Variants in OLA1 observed in about 807,000 individuals in gnomAD.
OLA1 encodes the protein obg-like ATPase 1.
Under a neutral mutation model 48.4 loss-of-function variants are expected in OLA1, and 14 were observed. That is an observed-to-expected ratio of 0.29 (90% confidence interval 0.19 to 0.45). The LOEUF is 0.45. Among genes scored for constraint, OLA1 ranks in the 20% least tolerant of loss-of-function variants. The pLI, the probability that OLA1 is intolerant of heterozygous loss-of-function variation, is 1.00. For synonymous variants in OLA1, 127 were observed against 150.4 expected, an observed-to-expected ratio of 0.84 and a Z score of 1.14; for missense variants, 325 against 467.1, an observed-to-expected ratio of 0.70 and a Z score of 2.80.
At position 174,072,495 on chromosome 2, in the gene OLA1, A is replaced by T. The variant is rs1684620671; in HGVS notation, c.*2931T>A. The T allele has an allele frequency of 6.6e-6, 1 of 152,216 alleles. No individual in the cohort carries two copies. The highest frequency in any genetic ancestry group is 1.5e-5 in the Non-Finnish European group (1 of 68,040). The allele number at this position is 152,216 out of a possible 1,614,324, so 9.4% of individuals were successfully genotyped here. On this transcript the variant is annotated 3_prime_UTR_variant, in exon 11 of 11. Transcript: ENST00000284719. ...TCACCACAGTGTATTTTACAAGCTT[A>T]AAATAAGTTGAAATGAATTTTCCCA...
chr2:174,234,929 C>G (rs991926058), intron 2 of OLA1, among the ~76,000 whole-genome samples: 6 of 152,122 alleles, frequency 3.9e-5, no homozygotes, highest in African/African-American at 1.4e-4. Flanking sequence ...AAGGCAGAGG[C>G]GGGCAGATCA....
intron 8 of OLA1, 27 bp from the exon 9 acceptor site, chr2:174,081,275 C>T: frequency 1.9e-6 from 3 of 1,556,472 alleles, no homozygotes; most frequent in Non-Finnish European, 2.7e-6. Flanking sequence ...CAAATTCACC[C>T]AACACATAAG....
chr2:174,217,561 CA>C (rs1404285318), intron 4 of OLA1, among the ~76,000 whole-genome samples: 1 of 152,038 alleles, frequency 6.6e-6, no homozygotes, highest in Non-Finnish European at 1.5e-5. Context: ...ACAAAATGTG[CA>C]AAAAGTGTAC....
chr2:174,102,442 A>G (rs1234888450), intron 7 of OLA1, among the ~76,000 whole-genome samples: 1 of 151,662 alleles, frequency 6.6e-6, no homozygotes, highest in Non-Finnish European at 1.5e-5. Flanking sequence ...TAAGCCTGTC[A>G]TCCAAAAGCC....
At chr2:174,155,668 G>C (rs992659113) in intron 4 of OLA1, among the ~76,000 whole-genome samples, 2 of 152,140 alleles carry the variant, frequency 1.3e-5, no homozygotes, top group Admixed American at 1.3e-4. Context: ...TTGTTTAAAT[G>C]TATAAGTCAA....
At chr2:174,235,049 C>G (rs1047626628) in intron 2 of OLA1, among the ~76,000 whole-genome samples, 1 of 152,042 alleles carries the variant, frequency 6.6e-6, no homozygotes, top group Non-Finnish European at 1.5e-5. Context: ...ATCGCAGCTA[C>G]GTGGGAGGCT....
chr2:174,173,729 G>T (rs1048966695), intron 4 of OLA1, among the ~76,000 whole-genome samples: 6 of 151,346 alleles, frequency 4.0e-5, no homozygotes, highest in African/African-American at 1.5e-4. Flanking sequence ...CCTTTAAAAA[G>T]CTCAATAAAA....
rs181262683 is a variant in OLA1, at chr2:174,213,063, G to A, written c.373+9970C>T. On this transcript the variant is annotated intron_variant, in intron 4 of 10. Coordinates refer to ENST00000284719, the MANE Select transcript of OLA1 (RefSeq NM_013341.5). ...GGTGACCAGAACTCAGGAAAGAATAGGGCAATATATTCCCTACTCCCACCA... is the reference window on the plus strand; with the variant it reads ...GGTGACCAGAACTCAGGAAAGAATAAGGCAATATATTCCCTACTCCCACCA... Among the ~76,000 whole-genome samples the A allele has an allele frequency of 5.1e-4, 78 of 152,246 alleles. 2 individuals are homozygous for A. The East Asian group carries it at 0.014, about 27-fold the overall frequency.
chr2:174,150,663 C>A (rs114760345), intron 4 of OLA1, among the ~76,000 whole-genome samples: 28 of 152,182 alleles, frequency 1.8e-4, no homozygotes, highest in African/African-American at 6.8e-4. Flanking sequence ...ATGCAAACTA[C>A]AATATGCCTT....
Position 174,204,270 on chromosome 2 carries a change from G to A in OLA1, c.373+18763C>T, listed in dbSNP as rs893857793. The stretch of plus-strand genomic sequence containing the variant: ...CAAAAAATTAGCCGGGTGTGGTGGC[G>A]GGCGCCTGTAGTCCCAGCTACTCGG... On this transcript the variant is annotated intron_variant, in intron 4 of 10. Transcript: ENST00000284719. Among the ~76,000 whole-genome samples the A allele has an allele frequency of 2.1e-4, 32 of 151,894 alleles. 1 individual carries two copies. The highest frequency in any genetic ancestry group is 5.8e-4 in the African/African-American group (24 of 41,388).
chr2:174,199,859 T>C (rs1197348382), intron 4 of OLA1, among the ~76,000 whole-genome samples: 1 of 152,216 alleles, frequency 6.6e-6, no homozygotes, highest in Non-Finnish European at 1.5e-5. Flanking sequence ...ATTAAAATAC[T>C]CTTCCCTTTT....
intron 4 of OLA1, among the ~76,000 whole-genome samples, chr2:174,144,892 A>G (rs1319967178): frequency 7.3e-6 from 1 of 136,526 alleles, no homozygotes; most frequent in Non-Finnish European, 1.5e-5. Flanking sequence ...GGCTGCAGTG[A>G]GCTGTGATCA....
At chr2:174,147,824 G>A (rs979950841) in intron 4 of OLA1, among the ~76,000 whole-genome samples, 107 of 142,470 alleles carry the variant, frequency 7.5e-4, no homozygotes, top group African/African-American at 2.6e-3. Flanking sequence ...TTGTTTGTTT[G>A]TTTATTTATT....
intron 4 of OLA1, among the ~76,000 whole-genome samples, chr2:174,211,750 A>G (rs1393496865): frequency 6.6e-6 from 1 of 152,196 alleles, no homozygotes; most frequent in Non-Finnish European, 1.5e-5. Context: ...TTGGCTGTCC[A>G]ATACTGTAGC....
intron 5 of OLA1, among the ~76,000 whole-genome samples, chr2:174,129,030 TACCTA>T (rs1686110869): frequency 6.6e-6 from 1 of 152,274 alleles, no homozygotes; most frequent in Admixed American, 6.5e-5. Context: ...TTGGGGAAGT[TACCTA>T]ACCTCTCTCA....
chr2:174,183,444 G>T (rs965536929), intron 4 of OLA1, among the ~76,000 whole-genome samples: 6 of 152,200 alleles, frequency 3.9e-5, no homozygotes, highest in Non-Finnish European at 8.8e-5. Flanking sequence ...ATCCAGGTTG[G>T]AGAAGAGAGA....
intron 7 of OLA1, among the ~76,000 whole-genome samples, chr2:174,093,458 G>T (rs1685172383): frequency 7.7e-6 from 1 of 130,292 alleles, no homozygotes; most frequent in African/African-American, 2.6e-5. Context: ...GACAGAAGAA[G>T]ACCTCTTCTC....
intron 2 of OLA1, among the ~76,000 whole-genome samples, chr2:174,239,121 G>A (rs1211849515): frequency 6.6e-6 from 1 of 152,084 alleles, no homozygotes; most frequent in Admixed American, 6.5e-5. Flanking sequence ...TCTAAATGTA[G>A]AAGAAATAAG....
rs1291614308 is a variant in OLA1, at chr2:174,226,001, C to G, written c.246-2841G>C. On this transcript the variant is annotated intron_variant, in intron 3 of 10. Coordinates refer to ENST00000284719, the MANE Select transcript of OLA1 (RefSeq NM_013341.5). ...CGAGGTCAAGAGATCGAGACCATCC[C>G]GGCTAAAACGGTGAAACCCCGTCTC... Among the ~76,000 whole-genome samples, 2 of 48,004 alleles carry G rather than the reference C, an allele frequency of 4.2e-5. 1 individual carries two copies. Among genetic ancestry groups the G allele is most frequent in the African/African-American group, 1.3e-4 (2 of 15,120 alleles). The allele number at this position is 48,004 out of a possible 152,430, so 31.5% of individuals were successfully genotyped here.
Sources: allele counts gnomAD v4.1 joint callset (sites outside exome capture counted in the v4.1 genomes callset), GRCh38; gene constraint gnomAD v4.1.1; transcripts MANE v1.5; gene names NCBI Gene and HGNC (gene_info 2026-07-23, HGNC 2026-07-21).